GSK3B: variants seen among roughly 807,000 people sequenced by gnomAD.
GSK3B encodes the protein glycogen synthase kinase-3 beta.
In GSK3B, 15 loss-of-function variants were observed where a neutral mutation model predicts 56.4. The ratio of observed to expected loss-of-function variants is 0.27; its 90% confidence interval spans 0.18 to 0.41. The LOEUF (loss-of-function observed/expected upper bound fraction) is 0.41, where lower values mean the gene tolerates loss of function less well. Ranked by LOEUF, GSK3B falls within the 10% of genes least tolerant of loss-of-function variation. The pLI is 1.00. For synonymous variants in GSK3B, 181 were observed against 188.9 expected, an observed-to-expected ratio of 0.96 and a Z score of 0.34; for missense variants, 300 against 513.4, an observed-to-expected ratio of 0.58 and a Z score of 4.02.
Position 119,863,454 on chromosome 3 carries a change from C to T in GSK3B, c.1061G>A (p.Arg354Gln), listed in dbSNP as rs759476802. 8.7e-6 allele frequency: 14 copies of T among 1,613,788 alleles called. No individual in the cohort carries two copies. Among genetic ancestry groups the T allele is most frequent in the Middle Eastern group, 1.6e-4 (1 of 6,080 alleles). The change falls in exon 9 of 11, where the codon CGA becomes CAA. Residue 354 changes from arginine (R) to glutamine (Q), a missense_variant. This residue lies in a region of GSK3B where 88 missense variants were observed against 92.7 expected (regional missense o/e 0.95). Coordinates refer to ENST00000264235, the MANE Select transcript of GSK3B (RefSeq NM_001146156.2). ...GAAGTTGAAGAGTGCAGGTGTGTCT[C>T]GCCCATTTGGTAGTTTGACATTTGG... ...RDPNVKLPNG[R>Q]DTPALFNFTT...
In GSK3B at chr3:120,074,262, C is replaced by T. The variant is rs114692161; in HGVS notation, c.88+19085G>A. On this transcript the variant is annotated intron_variant, in intron 1 of 10. Transcript: ENST00000264235. ...CTGCAGTGAATGTACATCGCACCAC[C>T]GCAGTGCAGCTTGGGTCACAGAGTG... 9.6e-3 allele frequency among the ~76,000 whole-genome samples: 1,449 copies of T among 151,106 alleles called. 15 individuals are homozygous for T. Among genetic ancestry groups the T allele is most frequent in the South Asian group, 0.032 (152 of 4,776 alleles).
At chr3:119,866,479 G>A (rs1478124988) in intron 8 of GSK3B, 1 of 764,298 alleles carries the variant, frequency 1.3e-6, no homozygotes. Flanking sequence ...TACTTACATT[G>A]TTTACTATTA....
At chr3:120,029,211 T>C in intron 1 of GSK3B, 2 of 684,512 alleles carry the variant, frequency 2.9e-6, no homozygotes, top group South Asian at 1.6e-5. Flanking sequence ...AGTGGTAGAA[T>C]AACCTAAGCG....
At chr3:120,042,368 C>T (rs1403683423) in intron 1 of GSK3B, among the ~76,000 whole-genome samples, 1 of 152,138 alleles carries the variant, frequency 6.6e-6, no homozygotes, top group East Asian at 1.9e-4. Flanking sequence ...ATTAAGGACC[C>T]CAGGCCATGT....
chr3:120,093,655 CAT>C lies in GSK3B; in HGVS notation c.-223_-222del, dbSNP rs1389132740. 1 of 441,190 alleles carries C rather than the reference CAT, an allele frequency of 2.3e-6. No individual in the cohort carries two copies. The highest frequency in any genetic ancestry group is 4.1e-6 in the Non-Finnish European group (1 of 244,654). 27.3% of individuals were successfully genotyped at this position (441,190 alleles called of 1,614,324 possible). ...AAGACAGATCGGCACGGATATTTAA[CAT>C]ATAGATGATTTAGGACTTGGGAAAA... On this transcript the variant is annotated 5_prime_UTR_variant, in exon 1 of 11. In the 5' UTR this introduces an upstream ATG that the reference lacks. Coordinates refer to ENST00000264235, the MANE Select transcript of GSK3B (RefSeq NM_001146156.2).
chr3:119,882,829 T>C (rs2056394514), intron 7 of GSK3B, among the ~76,000 whole-genome samples: 1 of 152,210 alleles, frequency 6.6e-6, no homozygotes, highest in Admixed American at 6.5e-5. Flanking sequence ...TCACCTGGGT[T>C]CCCCACTGGT....
At chr3:120,067,236 CAAAA>C (rs58967403) in intron 1 of GSK3B, among the ~76,000 whole-genome samples, 2 of 122,848 alleles carry the variant, frequency 1.6e-5, no homozygotes, top group Non-Finnish European at 1.8e-5. Context: ...ACTGTAACAT[CAAAA>C]AAAAAAAAAA....
intron 1 of GSK3B, among the ~76,000 whole-genome samples, chr3:120,010,897 G>A (rs2057773203): frequency 6.6e-6 from 1 of 152,158 alleles, no homozygotes; most frequent in African/African-American, 2.4e-5. Flanking sequence ...GCAAAACATT[G>A]TCTCTACTAA....
intron 10 of GSK3B, among the ~76,000 whole-genome samples, chr3:119,830,045 A>G (rs2107996836): frequency 1.3e-5 from 2 of 152,372 alleles, no homozygotes; most frequent in African/African-American, 4.8e-5. Context: ...AGAGGAAGAC[A>G]AAGTACAGAG....
At chr3:120,008,648 C>T (rs996753061) in intron 1 of GSK3B, among the ~76,000 whole-genome samples, 6 of 152,160 alleles carry the variant, frequency 3.9e-5, no homozygotes, top group African/African-American at 1.4e-4. Context: ...GAAAAACTGG[C>T]TAGCCATGTG....
intron 7 of GSK3B, among the ~76,000 whole-genome samples, chr3:119,894,004 C>A (rs948058066): frequency 5.3e-5 from 8 of 152,022 alleles, no homozygotes; most frequent in Admixed American, 3.9e-4. Flanking sequence ...ATGTTCATTA[C>A]CTCAAAATGA....
chr3:119,973,308 G>A (rs1394109992), intron 2 of GSK3B, among the ~76,000 whole-genome samples: 1 of 152,140 alleles, frequency 6.6e-6, no homozygotes, highest in East Asian at 1.9e-4. Context: ...ACACTGTTCT[G>A]AGTAGTGTGA....
intron 8 of GSK3B, among the ~76,000 whole-genome samples, chr3:119,869,838 A>G (rs1417618002): frequency 1.3e-5 from 2 of 152,212 alleles, no homozygotes; most frequent in Non-Finnish European, 2.9e-5. Flanking sequence ...GGCTGTATAT[A>G]TGTAGATATC....
intron 1 of GSK3B, among the ~76,000 whole-genome samples, chr3:120,006,877 T>A (rs1279177252): frequency 1.3e-5 from 2 of 150,562 alleles, no homozygotes; most frequent in Non-Finnish European, 3.0e-5. Context: ...AGCAAACAAA[T>A]TCAAAACCTC....
chr3:119,828,610 G>C (rs1030469342), intron 10 of GSK3B, among the ~76,000 whole-genome samples: 4 of 152,202 alleles, frequency 2.6e-5, no homozygotes, highest in South Asian at 2.1e-4. Context: ...TGAATGCAAC[G>C]TTTGGTCCTG....
chr3:120,023,356 T>C (rs1271814884), intron 1 of GSK3B, among the ~76,000 whole-genome samples: 1 of 150,938 alleles, frequency 6.6e-6, no homozygotes, highest in Non-Finnish European at 1.5e-5. Flanking sequence ...TGTACTTTCA[T>C]GCATCCTAGA....
At chr3:120,042,181 C>T (rs1432698908) in intron 1 of GSK3B, among the ~76,000 whole-genome samples, 7 of 152,188 alleles carry the variant, frequency 4.6e-5, no homozygotes, top group Non-Finnish European at 2.9e-5. Flanking sequence ...AAACAGGCTG[C>T]CATTTCTTCT....
At chr3:119,837,943 C>CATATATAT (rs10574860) in intron 10 of GSK3B, among the ~76,000 whole-genome samples, 73 of 138,590 alleles carry the variant, frequency 5.3e-4, no homozygotes, top group Admixed American at 2.5e-3. Context: ...TGACCATTCA[C>CATATATAT]ATATATATAT....
intron 1 of GSK3B, among the ~76,000 whole-genome samples, chr3:120,056,461 T>TCC (rs954881154): frequency 2.6e-5 from 4 of 152,192 alleles, no homozygotes; most frequent in Non-Finnish European, 5.9e-5. Context: ...TGCCTCAGCC[T>TCC]CCCACGTAGC....
Sources: gnomAD v4.1 joint callset for allele counts (sites outside exome capture counted in the v4.1 genomes callset) on GRCh38, gnomAD v4.1.1 for gene constraint, gnomAD v4.1.1 regional missense constraint, MANE v1.5 for transcripts, NCBI Gene and HGNC (gene_info 2026-07-23, HGNC 2026-07-21) for gene names.